Variants in DNAH12 observed in about 807,000 individuals in gnomAD.
The protein encoded by DNAH12 is dynein axonemal heavy chain 12.
A neutral mutation model predicts 371.5 loss-of-function variants in DNAH12; 285 were observed. That is an observed-to-expected ratio of 0.77 (90% confidence interval 0.70 to 0.85). DNAH12 has a LOEUF of 0.85. Among genes scored for constraint, DNAH12 ranks in the 40% least tolerant of loss-of-function variants. The probability of loss-of-function intolerance (pLI) is 0.00; values close to 1 mark genes in which losing one functional copy is unlikely to be tolerated. For missense variants in DNAH12, 3,611 were observed against 3,689.4 expected, an observed-to-expected ratio of 0.98 and a Z score of 0.55; for synonymous variants, 1,200 against 1,213.0, an observed-to-expected ratio of 0.99 and a Z score of 0.22.
rs2069350032 is a variant in DNAH12 at position 57,542,804 on chromosome 3, TG to T, written c.66del (p.Ile23LeufsTer8). The T allele has an allele frequency of 6.2e-7, 1 of 1,609,928 alleles. No homozygotes were observed. The highest frequency in any genetic ancestry group is 8.5e-7 in the Non-Finnish European group (1 of 1,178,622). On this transcript the variant is annotated frameshift_variant, in exon 2 of 74. Coordinates refer to ENST00000495027, the MANE Select transcript of DNAH12 (RefSeq NM_001366028.2). LOFTEE classifies it high-confidence loss of function. ...CCTATGTTTTCTGGGAGATGGACAA[TG>T]GGGGGTAACTTCAAGTTCAGAGCTT... ...EKEALNLKLP[P>X]IVHLPENIGV... is the part of the protein sequence containing the mutation.
intron 62 of DNAH12, among the ~76,000 whole-genome samples, chr3:57,324,742 C>T (rs2061894255): frequency 6.6e-6 from 1 of 152,194 alleles, no homozygotes; most frequent in African/African-American, 2.4e-5. Context: ...TGCAGCGCAC[C>T]ATGCACAAGC....
intron 39 of DNAH12, 112 bp from the exon 40 acceptor site, chr3:57,408,647 T>A: frequency 7.9e-7 from 1 of 1,262,754 alleles, no homozygotes; most frequent in Non-Finnish European, 1.0e-6. Flanking sequence ...CTAAAAGGAA[T>A]AACTTCAGAT....
chr3:57,343,005 G>C (rs1250687332), intron 60 of DNAH12, among the ~76,000 whole-genome samples: 1 of 152,042 alleles, frequency 6.6e-6, no homozygotes, highest in Non-Finnish European at 1.5e-5. Context: ...CGGGCAGGTG[G>C]AGGTTGCAGT....
intron 28 of DNAH12, 55 bp from the exon 29 acceptor site, chr3:57,444,871 A>C (rs1186763577): frequency 7.9e-6 from 12 of 1,515,250 alleles, no homozygotes; most frequent in Non-Finnish European, 9.7e-6. Flanking sequence ...TTGCAACCCC[A>C]CTTCTCCCTC....
intron 62 of DNAH12, among the ~76,000 whole-genome samples, chr3:57,325,543 A>G (rs1316565210): frequency 1.3e-5 from 2 of 152,232 alleles, no homozygotes; most frequent in Non-Finnish European, 2.9e-5. Context: ...TAAAACAGAA[A>G]GGACATCCAC....
chr3:57,485,102 C>T (rs931226287), intron 12 of DNAH12, among the ~76,000 whole-genome samples: 5 of 152,110 alleles, frequency 3.3e-5, no homozygotes, highest in Admixed American at 2.6e-4. Context: ...ATTAGTACAA[C>T]CACTATGGAA....
chr3:57,312,141 T>A (rs2061595575), intron 66 of DNAH12, among the ~76,000 whole-genome samples: 1 of 152,114 alleles, frequency 6.6e-6, no homozygotes, highest in African/African-American at 2.4e-5. Flanking sequence ...GAGAAAAAAA[T>A]AATTCTAAAT....
At position 57,310,616 on chromosome 3, in the gene DNAH12, A is replaced by G. The variant is rs889727562; in HGVS notation, c.10896+101T>C. On this transcript the variant is annotated intron_variant, in intron 67 of 73. Transcript: ENST00000495027. ...AGATTATTAAAAGTTGATTAAAACC[A>G]TAATATTTGTCTAAACCTATACATT... is the stretch of plus-strand genomic sequence containing the variant. 9.9e-6 allele frequency: 8 copies of G among 807,688 alleles called. No homozygotes were observed. The African/African-American group carries it at 1.2e-4, about 12-fold the overall frequency. The allele number at this position is 807,688 out of a possible 1,614,324, so 50.0% of individuals were successfully genotyped here. A position where few individuals can be genotyped will look rare whatever the true frequency, so the allele number is the denominator to read the frequency against.
chr3:57,294,410 C>T (rs573601038), intron 73 of DNAH12, among the ~76,000 whole-genome samples: 2 of 152,154 alleles, frequency 1.3e-5, no homozygotes, highest in South Asian at 2.1e-4. Context: ...CCCCTGACCT[C>T]GTGATCTGCC....
intron 27 of DNAH12, among the ~76,000 whole-genome samples, chr3:57,445,656 A>G (rs141644110): frequency 6.6e-6 from 1 of 151,888 alleles, no homozygotes; most frequent in East Asian, 1.9e-4. Flanking sequence ...ATCATTTTGA[A>G]TGGATTATGC....
chr3:57,309,404 C>G (rs2061540916), intron 68 of DNAH12, 150 bp from the exon 69 acceptor site: 2 of 710,730 alleles, frequency 2.8e-6, no homozygotes, highest in Non-Finnish European at 2.2e-6. Context: ...TGTACCTTAG[C>G]TCATCCACAA....
chr3:57,529,343 A>C (rs1379360625), intron 2 of DNAH12, among the ~76,000 whole-genome samples: 2 of 152,166 alleles, frequency 1.3e-5, no homozygotes, highest in Non-Finnish European at 2.9e-5. Context: ...GTTTAATAGA[A>C]TTCAGCAGTG....
chr3:57,433,388 T>C lies in DNAH12; in HGVS notation c.4959A>G (p.Thr1653=), dbSNP rs753429180. The change falls in exon 32 of 74, where the codon ACA becomes ACG. Residue 1653 remains threonine, a synonymous_variant. Transcript: ENST00000495027. The part of the protein sequence containing the change: ...IDTLWIESMN[T]VLDDNKKLCL... ...TTACCTTTTTATTATCATCCAATAC[T>C]GTGTTCATGCTCTCTATCCACAAAG... 3.9e-6 allele frequency: 6 copies of C among 1,551,140 alleles called. No homozygotes were observed. The South Asian group carries it at 6.0e-5, about 15-fold the overall frequency.
At position 57,433,414 on chromosome 3, in the gene DNAH12, T is replaced by G. The variant is rs1258174491; in HGVS notation, c.4933A>C (p.Thr1645Pro). ...GTGTTCATGCTCTCTATCCACAAAG[T>G]GTCAATAGGACCATCAAATACAACC... ...KWVVFDGPID[T>P]LWIESMNTVL... is the part of the protein sequence containing the mutation. The change falls in exon 32 of 74, where the codon ACT becomes CCT. Residue 1645 changes from threonine (T) to proline (P), a missense_variant. Around this residue, in one of 3 missense-constraint regions of DNAH12, gnomAD observed 2,266 missense variants for 2,236.9 expected, o/e 1.01. Transcript: ENST00000495027. 3 of 1,551,374 alleles carry G rather than the reference T, an allele frequency of 1.9e-6. No individual in the cohort carries two copies. The highest frequency in any genetic ancestry group is 2.6e-6 in the Non-Finnish European group (3 of 1,146,908).
rs1035932981 is a variant in DNAH12 at position 57,301,716 on chromosome 3, ACACACACACAC to A, written c.11394+8_11394+18del. 1.7e-5 allele frequency: 24 copies of A among 1,378,614 alleles called. No homozygotes were observed. The highest frequency in any genetic ancestry group is 8.6e-5 in the African/African-American group (6 of 69,948). 85.4% of individuals were successfully genotyped at this position (1,378,614 alleles called of 1,614,324 possible). On this transcript the variant is annotated splice_region_variant and intron_variant, in intron 70 of 73. Coordinates refer to ENST00000495027, the MANE Select transcript of DNAH12 (RefSeq NM_001366028.2). ...CACACACACACACACACACACACAC[ACACACACACAC>A]ATTTTACCTGTAAAAAGTTCAACCG...
At chr3:57,382,499 T>G (rs1432366619) in intron 49 of DNAH12, 106 bp from the exon 50 acceptor site, 1 of 147,078 alleles carries the variant, frequency 6.8e-6, no homozygotes, top group South Asian at 2.2e-4. Flanking sequence ...GCATCCCTTT[T>G]TATTTGAAAT....
intron 70 of DNAH12, chr3:57,297,223 T>C: frequency 2.0e-6 from 1 of 499,138 alleles, no homozygotes; most frequent in Non-Finnish European, 3.5e-6. Context: ...GTTTGAAGAG[T>C]CAAATCTTCT....
chr3:57,443,581 T>C (rs746589322), intron 29 of DNAH12, among the ~76,000 whole-genome samples: 1 of 152,178 alleles, frequency 6.6e-6, no homozygotes, highest in Non-Finnish European at 1.5e-5. Flanking sequence ...AATATTTTTA[T>C]ATATTTAAGG....
intron 29 of DNAH12, among the ~76,000 whole-genome samples, chr3:57,443,431 T>C (rs775934767): frequency 1.3e-5 from 2 of 152,156 alleles, no homozygotes; most frequent in Admixed American, 1.3e-4. Flanking sequence ...TTAAACTATA[T>C]TCTGGTTTTC....
Sources: gnomAD v4.1 joint callset for allele counts (sites outside exome capture counted in the v4.1 genomes callset) on GRCh38, gnomAD v4.1.1 for gene constraint, gnomAD v4.1.1 regional missense constraint, MANE v1.5 for transcripts, NCBI Gene and HGNC (gene_info 2026-07-23, HGNC 2026-07-21) for gene names.